The following PDE1C variants were observed in gnomAD, a reference collection of about 807,000 sequenced individuals.
The protein encoded by PDE1C is dual specificity calcium/calmodulin-dependent 3',5'-cyclic nucleotide phosphodiesterase 1C.
Under a neutral mutation model 93.1 loss-of-function variants are expected in PDE1C, and 62 were observed. The ratio of observed to expected loss-of-function variants is 0.67; its 90% confidence interval spans 0.54 to 0.82. The LOEUF (loss-of-function observed/expected upper bound fraction) is 0.82, where lower values mean the gene tolerates loss of function less well. PDE1C is among the 40% of genes least tolerant of loss of function. The pLI is 0.00. For missense variants in PDE1C, 742 were observed against 884.6 expected (o/e 0.84, Z 2.04); for synonymous variants, 325 against 310.1 (o/e 1.05, Z -0.50).
At chr7:31,642,971 C>A in the PDE1C span, 2 of 1,614,034 alleles carry the variant, frequency 1.2e-6, no homozygotes, top group South Asian at 2.2e-5. Flanking sequence ...GGAGAATGCC[C>A]AAGGAAAGAC....
chr7:32,068,169 T>G (rs149112740), intron 1 of PDE1C, among the ~76,000 whole-genome samples: 64 of 152,326 alleles, frequency 4.2e-4, no homozygotes, highest in African/African-American at 1.3e-3. Context: ...AATTATGGTT[T>G]GAGGCTTTCT....
chr7:31,959,788 A>G (rs930669321), intron 2 of PDE1C, among the ~76,000 whole-genome samples: 4 of 152,126 alleles, frequency 2.6e-5, no homozygotes, highest in African/African-American at 9.7e-5. Flanking sequence ...CATTGCATAC[A>G]CTTTAAGGAA....
At chr7:32,081,495 A>G (rs915346307) in intron 3 of PDE1C, among the ~76,000 whole-genome samples, 1 of 152,230 alleles carries the variant, frequency 6.6e-6, no homozygotes, top group African/African-American at 2.4e-5. Context: ...CTTATTTGCC[A>G]TGGAGTTTCC....
rs547958650 is a variant in PDE1C at position 32,261,841 on chromosome 7, C to T, written c.85+36810G>A. On this transcript the variant is annotated intron_variant, in intron 1 of 18. Transcript: ENST00000396193. ...ATCAGTTCAATATCACTACTTCGTA[C>T]ATTTTTCTTTTAATATGCCACCAGT... 4.6e-5 allele frequency among the ~76,000 whole-genome samples: 7 copies of T among 152,226 alleles called. No homozygotes were observed. The South Asian group carries it at 1.5e-3, about 32-fold the overall frequency.
intron 1 of PDE1C, among the ~76,000 whole-genome samples, chr7:32,257,747 G>A (rs1809909978): frequency 6.6e-6 from 1 of 152,200 alleles, no homozygotes; most frequent in African/African-American, 2.4e-5. Context: ...CAAACCTAGT[G>A]AGGCTAAACA....
intron 1 of PDE1C, among the ~76,000 whole-genome samples, chr7:32,312,168 G>A (rs1783060736): frequency 1.3e-5 from 2 of 152,058 alleles, no homozygotes; most frequent in Admixed American, 1.3e-4. Context: ...GCTTCAAAGA[G>A]AATAAAATAC....
the PDE1C span, among the ~76,000 whole-genome samples, chr7:31,710,649 TG>T: frequency 6.6e-6 from 1 of 152,248 alleles, no homozygotes; most frequent in Non-Finnish European, 1.5e-5. Context: ...GCTGGTTACA[TG>T]ATGGATTTTG....
At chr7:32,407,650 A>G (rs730725) in intron 1 of PDE1C, among the ~76,000 whole-genome samples, 84,826 of 152,058 alleles carry the variant, frequency 0.56, 25,441 homozygotes, top group Non-Finnish European at 0.66. Flanking sequence ...TACTACGTAC[A>G]TTTCTAGGTA....
the PDE1C span, among the ~76,000 whole-genome samples, chr7:31,664,982 A>C: frequency 1.3e-5 from 2 of 152,216 alleles, no homozygotes; most frequent in African/African-American, 2.4e-5. Context: ...CAGTACATTT[A>C]AAATGGAATC....
At chr7:32,378,472 A>G (rs764284916) in intron 1 of PDE1C, among the ~76,000 whole-genome samples, 2 of 152,170 alleles carry the variant, frequency 1.3e-5, no homozygotes, top group Non-Finnish European at 2.9e-5. Context: ...ATGAGAGACC[A>G]CCAGGCTAAG....
chr7:31,807,755 T>C (rs1185497884), intron 16 of PDE1C, among the ~76,000 whole-genome samples: 1 of 151,944 alleles, frequency 6.6e-6, no homozygotes, highest in African/African-American at 2.4e-5. Flanking sequence ...GATTTGGTAT[T>C]GATGGCTGGC....
chr7:32,420,266 TATGTGTATATATATAC>T lies in PDE1C; in HGVS notation c.310+7540_310+7555del, dbSNP rs1386255145. Among the ~76,000 whole-genome samples the T allele has an allele frequency of 4.1e-4, 17 of 41,970 alleles. 4 individuals carry two copies. The highest frequency in any genetic ancestry group is 9.1e-3 in the Middle Eastern group (1 of 110). The allele number at this position is 41,970 out of a possible 152,430, so 27.5% of individuals were successfully genotyped here. A position where few individuals can be genotyped will look rare whatever the true frequency, so the allele number is the denominator to read the frequency against. ...GTGTATATATATACATGTGTATATA[TATGTGTATATATATAC>T]ATGTGTATATATATGTGTATATATA... On this transcript the variant is annotated intron_variant, in intron 1 of 1. Coordinates refer to the PDE1C transcript ENST00000672256.
intron 3 of PDE1C, among the ~76,000 whole-genome samples, chr7:31,879,799 G>A (rs570662262): frequency 9.9e-5 from 15 of 152,174 alleles, no homozygotes; most frequent in East Asian, 3.9e-4. Flanking sequence ...CACTAGAATC[G>A]AACACAAAGA....
At chr7:31,632,284 T>TA in the PDE1C span, among the ~76,000 whole-genome samples, 619 of 151,772 alleles carry the variant, frequency 4.1e-3, 15 homozygotes, top group Admixed American at 0.036. Flanking sequence ...CCATCTCTAC[T>TA]AAAAAAACAA....
intron 17 of PDE1C, among the ~76,000 whole-genome samples, chr7:31,755,971 G>T (rs1794437170): frequency 1.3e-5 from 2 of 152,088 alleles, no homozygotes; most frequent in Admixed American, 6.5e-5. Context: ...TTTGAGACCA[G>T]CCTGACCAAC....
chr7:31,779,384 G>A (rs1455296944), intron 16 of PDE1C, among the ~76,000 whole-genome samples: 3 of 152,154 alleles, frequency 2.0e-5, no homozygotes, highest in Non-Finnish European at 4.4e-5. Context: ...GAAATGCTTG[G>A]TGGAATTTTT....
At chr7:31,870,012 T>C (rs962667619) in intron 6 of PDE1C, among the ~76,000 whole-genome samples, 2 of 152,014 alleles carry the variant, frequency 1.3e-5, no homozygotes, top group Non-Finnish European at 2.9e-5. Flanking sequence ...TGATTTACCA[T>C]TGGATTAAGA....
intron 1 of PDE1C, among the ~76,000 whole-genome samples, chr7:32,315,409 A>G (rs978526053): frequency 3.3e-5 from 5 of 152,120 alleles, no homozygotes; most frequent in African/African-American, 1.2e-4. Context: ...AAGACAGCAG[A>G]CAGGAAGGAA....
intron 2 of PDE1C, among the ~76,000 whole-genome samples, chr7:31,910,742 T>C (rs1234974943): frequency 6.6e-6 from 1 of 152,162 alleles, no homozygotes; most frequent in Admixed American, 6.5e-5. Context: ...CTTGAGCTAC[T>C]CAATTTTTCT....
Sources: allele counts gnomAD v4.1 joint callset (sites outside exome capture counted in the v4.1 genomes callset), GRCh38; gene constraint gnomAD v4.1.1; transcripts MANE v1.5; gene names NCBI Gene and HGNC (gene_info 2026-07-23, HGNC 2026-07-21).